The following TNIP3 variants were observed in gnomAD, a reference collection of about 807,000 sequenced individuals.
TNIP3 encodes TNFAIP3 interacting protein 3.
Under a neutral mutation model 54.1 loss-of-function variants are expected in TNIP3, and 34 were observed. That is an observed-to-expected ratio of 0.63 (90% CI 0.48 to 0.84). The LOEUF is 0.84. Among genes scored for constraint, TNIP3 ranks in the 40% least tolerant of loss-of-function variants. TNIP3 has a pLI of 0.00. For missense variants in TNIP3, 366 were observed against 387.6 expected, an observed-to-expected ratio of 0.94 and a Z score of 0.47; for synonymous variants, 134 against 136.8, an observed-to-expected ratio of 0.98 and a Z score of 0.14.
At chr4:121,200,785 A>T (rs559682142) in intron 2 of TNIP3, among the ~76,000 whole-genome samples, 1 of 151,896 alleles carries the variant, frequency 6.6e-6, no homozygotes, top group African/African-American at 2.4e-5. Flanking sequence ...GTTCCTTTTT[A>T]TCCAGCAGAT....
chr4:121,167,708 A>G (rs1167441993), upstream of TNIP3, among the ~76,000 whole-genome samples: 1 of 152,212 alleles, frequency 6.6e-6, no homozygotes, highest in East Asian at 1.9e-4. Context: ...TTAGTTCATC[A>G]TGTATTAAAT....
intron 4 of TNIP3, 68 bp from the exon 5 acceptor site, chr4:121,154,747 T>TCTGATATATCTGCCTGCCATGG: frequency 6.9e-7 from 1 of 1,439,478 alleles, no homozygotes; most frequent in South Asian, 1.4e-5. Context: ...TTGTAGGAAT[T>TCTGATATATCTGCCTGCCATGG]CTGATATATC....
chr4:121,210,889 T>A (rs556171172), intron 2 of TNIP3, among the ~76,000 whole-genome samples: 1 of 152,336 alleles, frequency 6.6e-6, no homozygotes, highest in Non-Finnish European at 1.5e-5. Context: ...TCAGTCCCAC[T>A]GTTGTGTTCT....
intron 2 of TNIP3, among the ~76,000 whole-genome samples, chr4:121,212,519 G>C (rs765618412): frequency 2.6e-5 from 4 of 152,100 alleles, no homozygotes; most frequent in Non-Finnish European, 5.9e-5. Context: ...TAACAAATTT[G>C]AATTGCAAAT....
At chr4:121,184,732 T>G (rs1196464702) in intron 2 of TNIP3, among the ~76,000 whole-genome samples, 1 of 152,230 alleles carries the variant, frequency 6.6e-6, no homozygotes, top group Admixed American at 6.5e-5. Context: ...TTTATATTGT[T>G]TCTTTCAGGC....
At chr4:121,158,856 T>A (rs1730272068) in intron 2 of TNIP3, 104 bp from the exon 3 acceptor site, 1 of 851,812 alleles carries the variant, frequency 1.2e-6, no homozygotes, top group African/African-American at 1.7e-5. Flanking sequence ...TTAGAAGCCA[T>A]GGATGAAGAC....
chr4:121,157,361 G>GA (rs1434540843), intron 3 of TNIP3, 118 bp from the exon 4 acceptor site: 1 of 1,311,916 alleles, frequency 7.6e-7, no homozygotes, highest in Admixed American at 1.8e-5. Context: ...GTCCCCTAAG[G>GA]AGAGGTTCTA....
At chr4:121,154,891 T>C (rs988788962) in intron 4 of TNIP3, among the ~76,000 whole-genome samples, 1 of 152,056 alleles carries the variant, frequency 6.6e-6, no homozygotes, top group Non-Finnish European at 1.5e-5. Flanking sequence ...AAGGAATCTT[T>C]CTTTTATCAG....
chr4:121,139,421 G>T (rs899613544), intron 9 of TNIP3, among the ~76,000 whole-genome samples: 3 of 152,190 alleles, frequency 2.0e-5, no homozygotes, highest in Non-Finnish European at 4.4e-5. Context: ...TTAACGCTTA[G>T]GAATGGAGCA....
intron 2 of TNIP3, among the ~76,000 whole-genome samples, chr4:121,197,130 T>C (rs999040868): frequency 6.6e-6 from 1 of 152,076 alleles, no homozygotes; most frequent in Non-Finnish European, 1.5e-5. Flanking sequence ...ATAAAAGTTG[T>C]ACTCATAAAT....
At chr4:121,138,592 T>G in intron 10 of TNIP3, 32 bp downstream of exon 10, 2 of 1,601,340 alleles carry the variant, frequency 1.2e-6, no homozygotes, top group Non-Finnish European at 1.7e-6. Context: ...GATGTAAACA[T>G]GAAAGAATGC....
At chr4:121,164,376 AT>A (rs565189042), upstream of TNIP3, 835 of 1,235,364 alleles carry the variant, frequency 6.8e-4, no homozygotes, top group Non-Finnish European at 8.1e-4. Flanking sequence ...CCAAATAGGG[AT>A]TTCCCAGGAT....
chr4:121,158,573 A>G (rs768209854), intron 3 of TNIP3, 114 bp downstream of exon 3: 10 of 825,072 alleles, frequency 1.2e-5, no homozygotes, highest in Non-Finnish European at 2.0e-5. Context: ...TCATTTTCCA[A>G]CAGTTGGCTA....
At chr4:121,188,374 G>A (rs1725131416) in intron 2 of TNIP3, among the ~76,000 whole-genome samples, 1 of 152,036 alleles carries the variant, frequency 6.6e-6, no homozygotes, top group Admixed American at 6.6e-5. Flanking sequence ...CTAACATTGG[G>A]AAATAACGGT....
chr4:121,172,185 C>T (rs1453859332), intron 3 of TNIP3, among the ~76,000 whole-genome samples: 3 of 152,228 alleles, frequency 2.0e-5, no homozygotes, highest in Non-Finnish European at 2.9e-5. Flanking sequence ...CCATGGTACA[C>T]GGCTGTGACA....
At position 121,138,605 on chromosome 4, in the gene TNIP3, A is replaced by C; in HGVS notation, c.946+19T>G. On this transcript the variant is annotated intron_variant, in intron 10 of 10. Transcript: ENST00000057513. ...AAGATGTAAACATGAAAGAATGCTC[A>C]ATACAGCTGTGGTCTCACCATTTGC... 6.2e-7 allele frequency: 1 copy of C among 1,610,734 alleles called. No individual in the cohort carries two copies. The highest frequency in any genetic ancestry group is 8.5e-7 in the Non-Finnish European group (1 of 1,177,104).
chr4:121,138,640 T>C lies in TNIP3; in HGVS notation c.930A>G (p.Val310=), dbSNP rs1467689027. Residue 310 remains valine (V), a synonymous_variant, in exon 10 of 11, where the codon GTA becomes GTG. Coordinates refer to ENST00000057513, the MANE Select transcript of TNIP3 (RefSeq NM_024873.6). ...WYALDQLPPD[V]QHKANGLSSV... is the part of the protein sequence containing the mutation. Reference sequence around the variant, plus strand: ...TGGTCTCACCATTTGCCTTGTGTTGTACATCTGGCGGAAGCTGGTCAAGAG... The same window carrying C: ...TGGTCTCACCATTTGCCTTGTGTTGCACATCTGGCGGAAGCTGGTCAAGAG... 6.2e-7 allele frequency: 1 copy of C among 1,613,944 alleles called. No homozygotes were observed. The highest frequency in any genetic ancestry group is 8.5e-7 in the Non-Finnish European group (1 of 1,179,908).
At chr4:121,191,852 C>A (rs759865794) in intron 2 of TNIP3, among the ~76,000 whole-genome samples, 6 of 152,034 alleles carry the variant, frequency 3.9e-5, no homozygotes, top group Non-Finnish European at 7.4e-5. Flanking sequence ...TTGAAAGGAC[C>A]TTTTTCTTTA....
At chr4:121,181,929 CTGAG>C (rs971048537) in intron 3 of TNIP3, among the ~76,000 whole-genome samples, 20 of 152,120 alleles carry the variant, frequency 1.3e-4, no homozygotes, top group African/African-American at 3.9e-4. Context: ...ATTTTCAACA[CTGAG>C]TAAGAACTTC....
Sources: allele counts gnomAD v4.1 joint callset (sites outside exome capture counted in the v4.1 genomes callset), GRCh38; gene constraint gnomAD v4.1.1; transcripts MANE v1.5; gene names NCBI Gene and HGNC (gene_info 2026-07-23, HGNC 2026-07-21).